The following LOC647264 variants were observed in gnomAD, a reference collection of about 807,000 sequenced individuals.
At chr13:63,832,668 C>T in the LOC647264 span, among the ~76,000 whole-genome samples, 10 of 149,494 alleles carry the variant, frequency 6.7e-5, no homozygotes, top group African/African-American at 2.5e-4. Context: ...GATGTTTTAG[C>T]AGGAAGAATA....
the LOC647264 span, among the ~76,000 whole-genome samples, chr13:63,832,815 T>C: frequency 2.6e-5 from 4 of 151,586 alleles, no homozygotes; most frequent in East Asian, 1.9e-4. Context: ...GCCAGAGCCA[T>C]AGCCACAGCT....
At chr13:63,833,050 C>T in the LOC647264 span, among the ~76,000 whole-genome samples, 7,106 of 152,114 alleles carry the variant, frequency 0.047, 557 homozygotes, top group African/African-American at 0.16. Context: ...GAGGTGTGGA[C>T]GTCTTCTACT....
At chr13:63,832,899 T>G in the LOC647264 span, among the ~76,000 whole-genome samples, 2 of 137,696 alleles carry the variant, frequency 1.5e-5, no homozygotes, top group East Asian at 1.9e-4. Flanking sequence ...GCCACAGCCA[T>G]AGCTGGAGCC....
the LOC647264 span, among the ~76,000 whole-genome samples, chr13:63,833,017 A>T: frequency 6.6e-6 from 1 of 152,208 alleles, no homozygotes; most frequent in African/African-American, 2.4e-5. Flanking sequence ...GAGAATTGAG[A>T]TGGGTTTCAA....
Sources: allele counts gnomAD v4.1 joint callset (sites outside exome capture counted in the v4.1 genomes callset), GRCh38; gene constraint gnomAD v4.1.1; transcripts MANE v1.5.